VPS13B: variants seen among roughly 807,000 people sequenced by gnomAD.
VPS13B encodes intermembrane lipid transfer protein VPS13B.
VPS13B carries 285 observed loss-of-function variants against 426.4 expected under a neutral mutation model. That is an observed-to-expected ratio of 0.67 (90% CI 0.61 to 0.74). The LOEUF (loss-of-function observed/expected upper bound fraction) is 0.74. Ranked by LOEUF, VPS13B falls within the 30% of genes least tolerant of loss-of-function variation. VPS13B has a pLI of 0.00. For missense variants in VPS13B, 4,537 were observed against 4,782.6 expected, an observed-to-expected ratio of 0.95 and a Z score of 1.51; for synonymous variants, 1,676 against 1,676.4, an observed-to-expected ratio of 1.00 and a Z score of 0.01.
chr8:99,861,032 G>A (rs977956256), intron 57 of VPS13B, among the ~76,000 whole-genome samples: 1 of 152,190 alleles, frequency 6.6e-6, no homozygotes, highest in Non-Finnish European at 1.5e-5. Context: ...TATTCCTAAA[G>A]CTGAAGTATT....
chr8:99,328,390 A>G (rs1302527905), intron 19 of VPS13B, among the ~76,000 whole-genome samples: 5 of 152,138 alleles, frequency 3.3e-5, no homozygotes, highest in Non-Finnish European at 5.9e-5. Context: ...TTCTGTGGGA[A>G]CTATTACTTT....
chr8:99,501,961 C>G (rs1821268841), intron 26 of VPS13B, 103 bp downstream of exon 26: 1 of 1,237,504 alleles, frequency 8.1e-7, no homozygotes, highest in African/African-American at 1.7e-5. Context: ...GTCTGTCTGT[C>G]TGTCTGTCTG....
At position 99,196,627 on chromosome 8, in the gene VPS13B, C is replaced by T. The variant is rs193190658; in HGVS notation, c.2515+3570C>T. Among the ~76,000 whole-genome samples the T allele has an allele frequency of 6.1e-3, 929 of 151,862 alleles. 12 individuals carry two copies. Among genetic ancestry groups the T allele is most frequent in the African/African-American group, 0.021 (881 of 41,416 alleles). On this transcript the variant is annotated intron_variant, in intron 17 of 61. Transcript: ENST00000357162. ...TAAGTTTTTTGTATTTTAGTAGAGA[C>T]GGGGTTTCACCATGTTGGTCAGGCT...
At chr8:99,742,270 A>AC (rs1450926587) in intron 39 of VPS13B, among the ~76,000 whole-genome samples, 1 of 152,180 alleles carries the variant, frequency 6.6e-6, no homozygotes, top group Non-Finnish European at 1.5e-5. Context: ...CCAAGACTAA[A>AC]CCAGGAAGAA....
At chr8:99,064,777 G>A (rs1055383315) in intron 3 of VPS13B, among the ~76,000 whole-genome samples, 5 of 152,058 alleles carry the variant, frequency 3.3e-5, no homozygotes, top group African/African-American at 9.7e-5. Context: ...GATACTCTTC[G>A]AGAAGAGCAA....
intron 24 of VPS13B, among the ~76,000 whole-genome samples, chr8:99,479,878 G>T (rs1001222162): frequency 6.6e-6 from 1 of 152,098 alleles, no homozygotes; most frequent in African/African-American, 2.4e-5. Flanking sequence ...ACACATCTTT[G>T]TATGGACATA....
At chr8:99,817,092 C>A (rs1458647837) in intron 44 of VPS13B, among the ~76,000 whole-genome samples, 1 of 151,966 alleles carries the variant, frequency 6.6e-6, no homozygotes, top group Non-Finnish European at 1.5e-5. Context: ...TCCCCTGATT[C>A]ACCTCTGTTC....
At chr8:99,100,914 C>T (rs1420137767) in intron 4 of VPS13B, among the ~76,000 whole-genome samples, 2 of 151,742 alleles carry the variant, frequency 1.3e-5, no homozygotes, top group African/African-American at 2.4e-5. Flanking sequence ...CGTGGTGGCA[C>T]GTGCCTGTAA....
chr8:99,804,890 C>T (rs1464253179), intron 43 of VPS13B, among the ~76,000 whole-genome samples: 6 of 151,884 alleles, frequency 4.0e-5, no homozygotes, highest in Admixed American at 6.6e-5. Flanking sequence ...CCTAGCTACT[C>T]GGGAGGCTGA....
chr8:99,725,955 G>C (rs1489744982), intron 39 of VPS13B, among the ~76,000 whole-genome samples: 1 of 152,118 alleles, frequency 6.6e-6, no homozygotes, highest in Non-Finnish European at 1.5e-5. Flanking sequence ...GAGTTTAGAT[G>C]ACTTTTTCCT....
intron 39 of VPS13B, among the ~76,000 whole-genome samples, chr8:99,724,718 AC>A (rs1588657967): frequency 6.6e-6 from 1 of 152,166 alleles, no homozygotes; most frequent in East Asian, 1.9e-4. Context: ...TTCTTATCAC[AC>A]AAATGCCTAG....
At chr8:99,553,574 T>C (rs1441176894) in intron 30 of VPS13B, among the ~76,000 whole-genome samples, 1 of 152,052 alleles carries the variant, frequency 6.6e-6, no homozygotes, top group East Asian at 1.9e-4. Context: ...ACACATATAT[T>C]TTATTTATCT....
At chr8:99,151,502 C>G (rs553494034) in intron 14 of VPS13B, among the ~76,000 whole-genome samples, 4 of 151,966 alleles carry the variant, frequency 2.6e-5, no homozygotes, top group African/African-American at 9.6e-5. Context: ...TCTAGGTTAT[C>G]AAATTTGTAG....
intron 3 of VPS13B, among the ~76,000 whole-genome samples, chr8:99,056,524 G>A (rs557919542): frequency 2.0e-5 from 3 of 152,180 alleles, no homozygotes; most frequent in Non-Finnish European, 4.4e-5. Flanking sequence ...TTTCTTCCTT[G>A]TCAAATTTCT....
At chr8:99,409,289 G>T (rs1815495109) in intron 21 of VPS13B, among the ~76,000 whole-genome samples, 1 of 152,058 alleles carries the variant, frequency 6.6e-6, no homozygotes, top group East Asian at 1.9e-4. Context: ...GTGATGAGGG[G>T]TATTGTTAGA....
At chr8:99,454,927 A>G (rs1818375604) in intron 23 of VPS13B, among the ~76,000 whole-genome samples, 1 of 152,092 alleles carries the variant, frequency 6.6e-6, no homozygotes, top group African/African-American at 2.4e-5. Context: ...TATGTCTTTG[A>G]TTGAGGGGTC....
At chr8:99,336,174 C>T (rs1252256319) in intron 19 of VPS13B, among the ~76,000 whole-genome samples, 1 of 152,036 alleles carries the variant, frequency 6.6e-6, no homozygotes, top group Non-Finnish European at 1.5e-5. Flanking sequence ...AGATATAGAT[C>T]AATGGAACAG....
At chr8:99,585,842 A>T (rs1826275438) in intron 33 of VPS13B, among the ~76,000 whole-genome samples, 1 of 152,206 alleles carries the variant, frequency 6.6e-6, no homozygotes, top group African/African-American at 2.4e-5. Context: ...AGTTAATTTC[A>T]CCCAGTATGC....
intron 17 of VPS13B, among the ~76,000 whole-genome samples, chr8:99,271,349 T>C (rs1818595723): frequency 6.6e-6 from 1 of 152,190 alleles, no homozygotes; most frequent in African/African-American, 2.4e-5. Context: ...TGCTTTAAAA[T>C]GCATAAATAT....
Sources: gnomAD v4.1 joint callset for allele counts (sites outside exome capture counted in the v4.1 genomes callset) on GRCh38, gnomAD v4.1.1 for gene constraint, MANE v1.5 for transcripts, NCBI Gene and HGNC (gene_info 2026-07-23, HGNC 2026-07-21) for gene names.